Variants in CCN4 observed in about 807,000 individuals in gnomAD.
CCN4 encodes cellular communication network factor 4, also known as CCN family member 4.
A neutral mutation model predicts 36.7 loss-of-function variants in CCN4; 30 were observed. That is an observed-to-expected ratio of 0.82 (90% CI 0.61 to 1.11). The LOEUF (loss-of-function observed/expected upper bound fraction) is 1.11. CCN4 is among the 50% of genes least tolerant of loss of function. CCN4 has a pLI of 0.00. For missense variants in CCN4, 505 were observed against 504.9 expected (o/e 1.00, Z 0.00); for synonymous variants, 191 against 195.4 (o/e 0.98, Z 0.19).
chr8:133,203,086 G>A (rs1458403818), intron 1 of CCN4, among the ~76,000 whole-genome samples: 2 of 152,224 alleles, frequency 1.3e-5, no homozygotes, highest in Non-Finnish European at 2.9e-5. Context: ...CCCTGGTGGA[G>A]TATCTAGGTG....
intron 1 of CCN4, among the ~76,000 whole-genome samples, chr8:133,212,245 C>T (rs557006160): frequency 1.3e-5 from 2 of 152,256 alleles, no homozygotes; most frequent in South Asian, 2.1e-4. Context: ...CAACTCACTC[C>T]CCAAGGGCTG....
intron 1 of CCN4, among the ~76,000 whole-genome samples, chr8:133,206,632 G>A (rs1400784028): frequency 6.6e-6 from 1 of 152,164 alleles, no homozygotes; most frequent in East Asian, 1.9e-4. Flanking sequence ...GAGACAGAGA[G>A]AGAGACCCTA....
chr8:133,219,990 G>A (rs978912901), intron 2 of CCN4, among the ~76,000 whole-genome samples: 1 of 151,954 alleles, frequency 6.6e-6, no homozygotes, highest in Non-Finnish European at 1.5e-5. Flanking sequence ...ATTTGCAACT[G>A]TCTCCCCCCG....
At chr8:133,220,210 C>T (rs949536906) in intron 2 of CCN4, among the ~76,000 whole-genome samples, 6 of 151,992 alleles carry the variant, frequency 3.9e-5, no homozygotes, top group Non-Finnish European at 7.4e-5. Context: ...TTTTACAAGT[C>T]GGTCACCTTC....
intron 3 of CCN4, among the ~76,000 whole-genome samples, chr8:133,224,554 A>T (rs1464562478): frequency 6.6e-6 from 1 of 152,114 alleles, no homozygotes; most frequent in Non-Finnish European, 1.5e-5. Context: ...CTGCGACAAA[A>T]TGTTAGGTGC....
chr8:133,210,385 G>A (rs1382885940), intron 1 of CCN4, among the ~76,000 whole-genome samples: 1 of 122,376 alleles, frequency 8.2e-6, no homozygotes, highest in Non-Finnish European at 1.6e-5. Flanking sequence ...TCAAAAAGAG[G>A]GGTGTGTGTG....
At chr8:133,199,010 G>A (rs1188637981) in intron 1 of CCN4, among the ~76,000 whole-genome samples, 1 of 152,250 alleles carries the variant, frequency 6.6e-6, no homozygotes, top group East Asian at 1.9e-4. Context: ...GGCATAGGCT[G>A]GGGAGAATAT....
In CCN4 at chr8:133,212,893, C is replaced by G. The variant is rs1854110532; in HGVS notation, c.99C>G (p.Asp33Glu). ...TALSPAPTTMDFTPAPLEDTS... is the reference protein window; with the variant it reads ...TALSPAPTTMEFTPAPLEDTS... ...TCTCTCCAGCCCCTACGACCATGGA[C>G]TTTACCCCAGCTCCACTGGAGGACA... Residue 33 changes from aspartate to glutamate, a missense_variant, in exon 2 of 5, where the codon GAC becomes GAG. Transcript: ENST00000250160. 1 of 1,607,742 alleles carries G rather than the reference C, an allele frequency of 6.2e-7. No homozygotes were observed. The highest frequency in any genetic ancestry group is 1.8e-4 in the Middle Eastern group (1 of 5,598).
chr8:133,209,362 C>T (rs1853901651), intron 1 of CCN4, among the ~76,000 whole-genome samples: 1 of 152,200 alleles, frequency 6.6e-6, no homozygotes, highest in African/African-American at 2.4e-5. Context: ...AGTCCTCATG[C>T]CCTGGGGTCC....
At chr8:133,225,730 GAT>G in intron 4 of CCN4, 147 bp downstream of exon 4, 1 of 716,986 alleles carries the variant, frequency 1.4e-6, no homozygotes, top group South Asian at 3.1e-5. Context: ...AGCTATTTCG[GAT>G]AATGCAGGTC....
At position 133,220,627 on chromosome 8, in the gene CCN4, C is replaced by A; in HGVS notation, c.396C>A (p.Asn132Lys). 6.2e-7 allele frequency: 1 copy of A among 1,614,212 alleles called. No homozygotes were observed. Among genetic ancestry groups the A allele is most frequent in the East Asian group, 2.2e-5 (1 of 44,880 alleles). ...TCCTGGATGGGGTGCGCTACAACAA[C>A]GGCCAGTCCTTCCAGCCTAACTGCA... The part of the protein sequence containing the change: ...GCVLDGVRYN[N>K]GQSFQPNCKY... Residue 132 changes from asparagine to lysine, a missense_variant, in exon 3 of 5, where the codon AAC (asparagine) becomes AAA (lysine). Coordinates refer to ENST00000250160, the MANE Select transcript of CCN4 (RefSeq NM_003882.4).
intron 1 of CCN4, among the ~76,000 whole-genome samples, chr8:133,199,275 G>A (rs1272509419): frequency 2.0e-5 from 3 of 152,228 alleles, no homozygotes; most frequent in Non-Finnish European, 2.9e-5. Context: ...AAGGAAACAA[G>A]AAGAATGCCC....
Position 133,227,757 on chromosome 8 carries a change from G to C in CCN4, c.*47G>C, listed in dbSNP as rs1854799853. Reference sequence around the variant, plus strand: ...TGGGGACTAACCCAATGCCTGTGAAGCAGTCAGCCCTTATGGCCAATAACT... The same window carrying C: ...TGGGGACTAACCCAATGCCTGTGAACCAGTCAGCCCTTATGGCCAATAACT... On this transcript the variant is annotated 3_prime_UTR_variant, in exon 5 of 5. Transcript: ENST00000250160. 6.3e-7 allele frequency: 1 copy of C among 1,579,044 alleles called. No homozygotes were observed. Among genetic ancestry groups the C allele is most frequent in the South Asian group, 1.2e-5 (1 of 84,372 alleles).
At chr8:133,225,939 G>A (rs1025939927) in intron 4 of CCN4, among the ~76,000 whole-genome samples, 1 of 152,088 alleles carries the variant, frequency 6.6e-6, no homozygotes, top group African/African-American at 2.4e-5. Context: ...CACACTGGGT[G>A]ATATAGAGAG....
rs539370169 is a variant in CCN4 at position 133,215,153 on chromosome 8, A to G, written c.349+2010A>G. Among the ~76,000 whole-genome samples the G allele has an allele frequency of 2.6e-5, 4 of 152,322 alleles. No homozygotes were observed. In the South Asian group the frequency reaches 8.3e-4, roughly 32 times the overall value. On this transcript the variant is annotated intron_variant, in intron 2 of 4. Coordinates refer to ENST00000250160, the MANE Select transcript of CCN4 (RefSeq NM_003882.4). ...AGAACTTGCAGCATCCGCTGCACAG[A>G]ATCATCTGATATGTTGATTATAAAT...
At position 133,212,856 on chromosome 8, in the gene CCN4, C is replaced by G. The variant is rs77652299; in HGVS notation, c.70-8C>G. The stretch of plus-strand genomic sequence containing the variant: ...CAGCCCCCCTTTCCCTCTGCCCTCC[C>G]CCCGCAGGCCCTCTCTCCAGCCCCT... On this transcript the variant is annotated splice_region_variant and splice_polypyrimidine_tract_variant and intron_variant, in intron 1 of 4. Coordinates refer to ENST00000250160, the MANE Select transcript of CCN4 (RefSeq NM_003882.4). The G allele has an allele frequency of 6.4e-7, 1 of 1,560,842 alleles. No homozygotes were observed. Among genetic ancestry groups the G allele is most frequent in the Non-Finnish European group, 8.7e-7 (1 of 1,145,538 alleles).
intron 1 of CCN4, among the ~76,000 whole-genome samples, chr8:133,207,575 C>T (rs10100792): frequency 0.23 from 35,079 of 152,210 alleles, 4,480 homozygotes; most frequent in Middle Eastern, 0.32. Context: ...ACTACCTGAC[C>T]TGTGTGGCCT....
At chr8:133,212,079 G>T (rs1183338974) in intron 1 of CCN4, among the ~76,000 whole-genome samples, 1 of 152,176 alleles carries the variant, frequency 6.6e-6, no homozygotes, top group Non-Finnish European at 1.5e-5. Context: ...CCAAAATAAA[G>T]ATGAAGCTGT....
Position 133,219,884 on chromosome 8 carries a change from T to A in CCN4, c.350-697T>A, listed in dbSNP as rs1237590133. Among the ~76,000 whole-genome samples, 3 of 152,356 alleles carry A rather than the reference T, an allele frequency of 2.0e-5. No individual in the cohort carries two copies. In the East Asian group the frequency reaches 5.8e-4, roughly 29 times the overall value. On this transcript the variant is annotated intron_variant, in intron 2 of 4. Transcript: ENST00000250160. Reference sequence around the variant, plus strand: ...TTTTTACATGGAAAATCAGTCAGATTTGCTTTAACCTCAAAAAGTGTGTTT... The same window carrying A: ...TTTTTACATGGAAAATCAGTCAGATATGCTTTAACCTCAAAAAGTGTGTTT...
Sources: allele counts gnomAD v4.1 joint callset (sites outside exome capture counted in the v4.1 genomes callset), GRCh38; gene constraint gnomAD v4.1.1; transcripts MANE v1.5; gene names NCBI Gene and HGNC (gene_info 2026-07-23, HGNC 2026-07-21).